SEMA3A: variants seen among roughly 807,000 people sequenced by gnomAD.
SEMA3A encodes the protein semaphorin-3A.
SEMA3A carries 29 observed loss-of-function variants against 97.9 expected under a neutral mutation model. That is an observed-to-expected ratio of 0.30 (90% CI 0.22 to 0.40). The LOEUF is 0.40. SEMA3A is among the 10% of genes least tolerant of loss of function. The probability of loss-of-function intolerance (pLI) is 1.00; values close to 1 mark genes in which losing one functional copy is unlikely to be tolerated. For synonymous variants in SEMA3A, 321 were observed against 323.7 expected, an observed-to-expected ratio of 0.99 and a Z score of 0.09; for missense variants, 763 against 951.3, an observed-to-expected ratio of 0.80 and a Z score of 2.60.
At chr7:84,002,956 G>A (rs1332154659) in intron 11 of SEMA3A, among the ~76,000 whole-genome samples, 2 of 152,100 alleles carry the variant, frequency 1.3e-5, no homozygotes, top group African/African-American at 4.8e-5. Flanking sequence ...GATGGAATGA[G>A]GAACAGGGGC....
At chr7:84,226,616 T>C (rs912306522) in intron 3 of SEMA3A, among the ~76,000 whole-genome samples, 10 of 152,056 alleles carry the variant, frequency 6.6e-5, no homozygotes, top group Admixed American at 3.3e-4. Flanking sequence ...TGGGCAAAAA[T>C]TTATAGCCAA....
intron 2 of SEMA3A, among the ~76,000 whole-genome samples, chr7:84,132,659 G>GT (rs1795996982): frequency 7.7e-6 from 1 of 129,410 alleles, no homozygotes; most frequent in Non-Finnish European, 1.6e-5. Context: ...TCATCGACTT[G>GT]GTGTTTTTTT....
intron 1 of SEMA3A, among the ~76,000 whole-genome samples, chr7:84,403,229 A>G (rs1036130712): frequency 1.3e-5 from 2 of 152,164 alleles, no homozygotes; most frequent in African/African-American, 4.8e-5. Flanking sequence ...GGCTTAACAA[A>G]CGGCACACCA....
At chr7:84,282,864 A>G (rs942894344) in intron 3 of SEMA3A, among the ~76,000 whole-genome samples, 4 of 152,082 alleles carry the variant, frequency 2.6e-5, no homozygotes, top group African/African-American at 9.7e-5. Context: ...AAATAAAAAA[A>G]TTAGCCAGGT....
intron 3 of SEMA3A, among the ~76,000 whole-genome samples, chr7:84,119,806 T>C (rs2115979569): frequency 6.6e-6 from 1 of 152,222 alleles, no homozygotes; most frequent in Non-Finnish European, 1.5e-5. Context: ...TAAGAAGATA[T>C]TGGCCAAAAT....
chr7:84,231,294 G>A (rs1170667755), intron 3 of SEMA3A, among the ~76,000 whole-genome samples: 3 of 151,942 alleles, frequency 2.0e-5, no homozygotes, highest in Non-Finnish European at 4.4e-5. Flanking sequence ...ATAGTAAGCA[G>A]TCAATAAATA....
intron 1 of SEMA3A, among the ~76,000 whole-genome samples, chr7:84,434,926 C>T (rs192478196): frequency 1.3e-5 from 2 of 152,230 alleles, no homozygotes; most frequent in African/African-American, 4.8e-5. Flanking sequence ...AAACTGGAAA[C>T]ATTCCCCTTG....
chr7:84,348,800 T>C (rs867735490), intron 2 of SEMA3A, among the ~76,000 whole-genome samples: 5 of 152,088 alleles, frequency 3.3e-5, no homozygotes, highest in Non-Finnish European at 5.9e-5. Flanking sequence ...CTGGCCAACA[T>C]GGTGAAACCC....
In SEMA3A at chr7:84,194,430, G is replaced by A. The variant is rs183724183; in HGVS notation, c.112+45C>T. 402 of 1,187,550 alleles carry A rather than the reference G, an allele frequency of 3.4e-4. 2 individuals are homozygous for A. In the East Asian group the frequency reaches 5.3e-3, roughly 16 times the overall value. 73.6% of individuals were successfully genotyped at this position (1,187,550 alleles called of 1,614,324 possible). A position where few individuals can be genotyped will look rare whatever the true frequency, so the allele number is the denominator to read the frequency against. ...GGAGTTCAAGGAATTAAGGGGGGGG[G>A]CGGTTATTACAAAGCTAACCAAATA... On this transcript the variant is annotated intron_variant, in intron 1 of 16. Transcript: ENST00000265362.
At chr7:84,054,739 G>A (rs948754711) in intron 5 of SEMA3A, among the ~76,000 whole-genome samples, 2 of 146,998 alleles carry the variant, frequency 1.4e-5, no homozygotes, top group South Asian at 4.6e-4. Flanking sequence ...TTGTTCCGTT[G>A]CTGGTGAGGA....
At position 84,261,708 on chromosome 7, in the gene SEMA3A, A is replaced by G. The variant is rs540448775; in HGVS notation, c.-83+45499T>C. On this transcript the variant is annotated intron_variant, in intron 3 of 3. Transcript: ENST00000424555. ...AGATCCAATGCTCACTCACTCATGC[A>G]CACCTTGCTGCTCTCCGCCTGGCTC... Among the ~76,000 whole-genome samples the G allele has an allele frequency of 2.0e-4, 30 of 152,304 alleles. No homozygotes were observed. In the South Asian group the frequency reaches 6.0e-3, roughly 30 times the overall value.
At chr7:84,267,026 C>T (rs1800023757) in intron 3 of SEMA3A, among the ~76,000 whole-genome samples, 1 of 151,752 alleles carries the variant, frequency 6.6e-6, no homozygotes, top group Non-Finnish European at 1.5e-5. Context: ...TATATGATAC[C>T]ATCCTTTGAA....
chr7:84,425,421 A>G (rs1460712360), intron 1 of SEMA3A, among the ~76,000 whole-genome samples: 1 of 133,080 alleles, frequency 7.5e-6, no homozygotes, highest in Non-Finnish European at 1.5e-5. Flanking sequence ...GCCTATATTT[A>G]TATGAATATA....
At chr7:84,012,786 T>C (rs1338393820) in intron 7 of SEMA3A, among the ~76,000 whole-genome samples, 1 of 152,188 alleles carries the variant, frequency 6.6e-6, no homozygotes, top group Non-Finnish European at 1.5e-5. Context: ...GGTATGTGTT[T>C]ACTAGAAACT....
chr7:84,175,555 G>C (rs1167231861), intron 1 of SEMA3A, among the ~76,000 whole-genome samples: 1 of 152,172 alleles, frequency 6.6e-6, no homozygotes, highest in Non-Finnish European at 1.5e-5. Context: ...GTAATCAGTA[G>C]TCTGTATCAT....
chr7:84,038,510 T>C (rs974838393), intron 6 of SEMA3A, among the ~76,000 whole-genome samples: 35 of 152,242 alleles, frequency 2.3e-4, no homozygotes, highest in Non-Finnish European at 4.3e-4. Context: ...ACTGCAGTTA[T>C]TCTCATTTGA....
chr7:84,143,932 C>T (rs973075315), intron 1 of SEMA3A, among the ~76,000 whole-genome samples: 1 of 141,606 alleles, frequency 7.1e-6, no homozygotes, highest in Non-Finnish European at 1.5e-5. Context: ...CTCTCTCTCT[C>T]TCTCTCTCTC....
At chr7:84,096,410 T>C (rs1189857668) in intron 4 of SEMA3A, among the ~76,000 whole-genome samples, 1 of 152,088 alleles carries the variant, frequency 6.6e-6, no homozygotes, top group Non-Finnish European at 1.5e-5. Flanking sequence ...TCTTTGGACA[T>C]GTGTTTTTCT....
chr7:84,001,623 T>TATCA (rs1419707206), intron 12 of SEMA3A, among the ~76,000 whole-genome samples: 3 of 152,060 alleles, frequency 2.0e-5, no homozygotes, highest in South Asian at 2.1e-4. Flanking sequence ...TCAGTTATAC[T>TATCA]ATCATGTGTA....
Sources: allele counts gnomAD v4.1 joint callset (sites outside exome capture counted in the v4.1 genomes callset), GRCh38; gene constraint gnomAD v4.1.1; transcripts MANE v1.5; gene names NCBI Gene and HGNC (gene_info 2026-07-23, HGNC 2026-07-21).